The following LONP2 variants were observed in gnomAD, a reference collection of about 807,000 sequenced individuals.
LONP2 encodes lon protease homolog 2, peroxisomal.
A neutral mutation model predicts 85.6 loss-of-function variants in LONP2; 60 were observed. That is an observed-to-expected ratio of 0.70 (90% CI 0.57 to 0.87). The LOEUF is 0.87. LONP2 is among the 40% of genes least tolerant of loss of function. The pLI is 0.00. For synonymous variants in LONP2, 395 were observed against 389.7 expected, an observed-to-expected ratio of 1.01 and a Z score of -0.16; for missense variants, 860 against 1,063.5, an observed-to-expected ratio of 0.81 and a Z score of 2.66.
At chr16:48,260,443 T>C (rs1440387146) in intron 4 of LONP2, among the ~76,000 whole-genome samples, 2 of 151,978 alleles carry the variant, frequency 1.3e-5, no homozygotes, top group African/African-American at 4.8e-5. Context: ...CAAAAAAAAT[T>C]TAAAAAATTA....
rs570282173 is a variant in LONP2, at chr16:48,351,689, C to T, written c.2446C>T (p.Arg816Ter). The T allele has an allele frequency of 2.5e-5, 41 of 1,614,174 alleles. No homozygotes were observed. Among genetic ancestry groups the T allele is most frequent in the East Asian group, 4.5e-5 (2 of 44,884 alleles). ...CCTTGAGGGAATCCCAGGCAACGTACGACAGGATTTAAGTTTTGTCACAGC... is the reference window on the plus strand; with the variant it reads ...CCTTGAGGGAATCCCAGGCAACGTATGACAGGATTTAAGTTTTGTCACAGC... Reference protein sequence around the residue: ...KDLEGIPGNVRQDLSFVTASC... With the variant: ...KDLEGIPGNV Residue 816 changes from arginine (R) to a stop codon, truncating the protein, a stop_gained, in exon 15 of 15, where the codon CGA (arginine) becomes TGA (stop). Transcript: ENST00000285737. LOFTEE classifies it high-confidence loss of function.
chr16:48,311,103 TAGAC>T (rs1973020772), intron 11 of LONP2, among the ~76,000 whole-genome samples: 1 of 152,202 alleles, frequency 6.6e-6, no homozygotes, highest in South Asian at 2.1e-4. Context: ...ACATTGACCT[TAGAC>T]AGCCTGATGA....
intron 8 of LONP2, among the ~76,000 whole-genome samples, chr16:48,294,226 C>A (rs1285735892): frequency 6.6e-6 from 1 of 152,136 alleles, no homozygotes; most frequent in African/African-American, 2.4e-5. Context: ...CAGGTGTGAG[C>A]CACCGTGCCC....
intron 8 of LONP2, among the ~76,000 whole-genome samples, chr16:48,282,224 C>T (rs113874581): frequency 0.012 from 1,853 of 151,958 alleles, 40 homozygotes; most frequent in African/African-American, 0.042. Context: ...GCCTGGCTAA[C>T]GTGGCGAAAC....
At chr16:48,284,424 T>C (rs1266781974) in intron 8 of LONP2, among the ~76,000 whole-genome samples, 1 of 152,082 alleles carries the variant, frequency 6.6e-6, no homozygotes, top group Non-Finnish European at 1.5e-5. Flanking sequence ...ATGAAGCAAA[T>C]TTTACTGTTG....
At chr16:48,318,501 A>C (rs1320553456) in intron 11 of LONP2, among the ~76,000 whole-genome samples, 1 of 152,242 alleles carries the variant, frequency 6.6e-6, no homozygotes, top group Admixed American at 6.5e-5. Context: ...CCTGGGCAAC[A>C]GAGCAAGACT....
At chr16:48,326,442 T>G (rs1959240634) in intron 11 of LONP2, among the ~76,000 whole-genome samples, 1 of 152,200 alleles carries the variant, frequency 6.6e-6, no homozygotes, top group African/African-American at 2.4e-5. Context: ...CTTGAACTCC[T>G]GGGACTGGGC....
chr16:48,327,822 C>T (rs548230781), intron 11 of LONP2, among the ~76,000 whole-genome samples: 1 of 152,298 alleles, frequency 6.6e-6, no homozygotes, highest in African/African-American at 2.4e-5. Context: ...ATAGGGAGCA[C>T]TTATATGAAA....
At chr16:48,259,930 A>C (rs559317251) in intron 4 of LONP2, among the ~76,000 whole-genome samples, 1 of 152,346 alleles carries the variant, frequency 6.6e-6, no homozygotes, top group African/African-American at 2.4e-5. Context: ...AGTGCTCCAG[A>C]AAATAAGCAA....
At chr16:48,257,961 T>C (rs1165245577) in intron 3 of LONP2, among the ~76,000 whole-genome samples, 1 of 152,246 alleles carries the variant, frequency 6.6e-6, no homozygotes, top group Non-Finnish European at 1.5e-5. Context: ...ATAATTTGTT[T>C]AGATCTAATA....
chr16:48,273,168 G>T (rs1325371075), intron 7 of LONP2, among the ~76,000 whole-genome samples: 2 of 152,144 alleles, frequency 1.3e-5, no homozygotes, highest in Non-Finnish European at 2.9e-5. Context: ...GAAAAAGAAA[G>T]CCAGGGAAAA....
chr16:48,323,332 G>T (rs1017323659), intron 11 of LONP2, among the ~76,000 whole-genome samples: 3 of 152,058 alleles, frequency 2.0e-5, no homozygotes, highest in Admixed American at 1.3e-4. Context: ...TTGTTTGTTT[G>T]TTTTTTTCAT....
Position 48,347,698 on chromosome 16 carries a change from G to A in LONP2, c.2130G>A (p.Lys710=), listed in dbSNP as rs980871312. ...GCTGGCTCCGCAGCAACGCAAAGAA[G>A]TACCAGCTGACCAATGGTAGGAGCC... ...AISWLRSNAK[K]YQLTNAFGSF... is the part of the protein sequence containing the mutation. The change falls in exon 13 of 15, where the codon AAG becomes AAA. Residue 710 remains lysine, a synonymous_variant. Coordinates refer to ENST00000285737, the MANE Select transcript of LONP2 (RefSeq NM_031490.5). 1.9e-5 allele frequency: 31 copies of A among 1,613,312 alleles called. No individual in the cohort carries two copies. The highest frequency in any genetic ancestry group is 2.5e-5 in the Non-Finnish European group (30 of 1,179,880).
chr16:48,257,005 A>G (rs796255318), intron 3 of LONP2, among the ~76,000 whole-genome samples: 69 of 152,314 alleles, frequency 4.5e-4, no homozygotes, highest in African/African-American at 1.6e-3. Flanking sequence ...AGAAAAAGTT[A>G]AAGCAAAGAA....
chr16:48,256,745 C>T lies in LONP2; in HGVS notation c.600+4C>T, dbSNP rs1213198462. ...AAGCAACAAAGAGAAACTCCAGGTACAGTGTTCCCTTTTGAACGCCAGGTT... is the reference window on the plus strand; with the variant it reads ...AAGCAACAAAGAGAAACTCCAGGTATAGTGTTCCCTTTTGAACGCCAGGTT... On this transcript the variant is annotated splice_donor_region_variant and intron_variant, in intron 3 of 14. Coordinates refer to ENST00000285737, the MANE Select transcript of LONP2 (RefSeq NM_031490.5). 2 of 1,612,708 alleles carry T rather than the reference C, an allele frequency of 1.2e-6. No individual in the cohort carries two copies. Among genetic ancestry groups the T allele is most frequent in the African/African-American group, 1.3e-5 (1 of 74,800 alleles).
chr16:48,360,969 C>T (rs746228969), downstream of LONP2: 12 of 151,900 alleles, frequency 7.9e-5, no homozygotes, highest in African/African-American at 2.4e-4. Flanking sequence ...ATATTGAACA[C>T]GTTATAAATT....
chr16:48,300,578 G>A lies in LONP2; in HGVS notation c.1661+790G>A, dbSNP rs191892167. ...CTTTTCTAGTAACTACTGTTTTTAA[G>A]AGATTTGAAGTATCTCTCTATTTTG... is the stretch of plus-strand genomic sequence containing the variant. On this transcript the variant is annotated intron_variant, in intron 10 of 14. Coordinates refer to ENST00000285737, the MANE Select transcript of LONP2 (RefSeq NM_031490.5). Among the ~76,000 whole-genome samples the A allele has an allele frequency of 1.6e-3, 246 of 152,312 alleles. 1 individual carries two copies. The highest frequency in any genetic ancestry group is 3.0e-3 in the Non-Finnish European group (201 of 68,026).
chr16:48,277,510 C>T, intron 8 of LONP2, 31 bp downstream of exon 8: 5 of 1,606,692 alleles, frequency 3.1e-6, no homozygotes, highest in Non-Finnish European at 4.3e-6. Flanking sequence ...TGTCTGTCTT[C>T]ATACTGGAAG....
At chr16:48,316,476 G>A (rs1433629174) in intron 11 of LONP2, among the ~76,000 whole-genome samples, 3 of 149,420 alleles carry the variant, frequency 2.0e-5, no homozygotes, top group Non-Finnish European at 4.4e-5. Flanking sequence ...ACAGGCGCCC[G>A]CCACCACACC....
Sources: allele counts gnomAD v4.1 joint callset (sites outside exome capture counted in the v4.1 genomes callset), GRCh38; gene constraint gnomAD v4.1.1; transcripts MANE v1.5; gene names NCBI Gene and HGNC (gene_info 2026-07-23, HGNC 2026-07-21).